The following CCDC178 variants were observed in gnomAD, a reference collection of about 807,000 sequenced individuals.
CCDC178 encodes the protein coiled-coil domain containing 178.
CCDC178 carries 126 observed loss-of-function variants against 117.4 expected under a neutral mutation model. The observed-to-expected ratio is 1.07, with a 90% CI of 0.93 to 1.24. The LOEUF (loss-of-function observed/expected upper bound fraction) is 1.24. Ranked by LOEUF, CCDC178 falls within the 50% of genes most tolerant of loss-of-function variation. The pLI is 0.00. For missense variants in CCDC178, 1,030 were observed against 986.9 expected (o/e 1.04, Z -0.59); for synonymous variants, 283 against 313.4 (o/e 0.90, Z 1.02).
At chr18:33,296,533 T>TACA (rs954771930) in intron 11 of CCDC178, among the ~76,000 whole-genome samples, 1 of 152,090 alleles carries the variant, frequency 6.6e-6, no homozygotes, top group Non-Finnish European at 1.5e-5. Context: ...GGAGGAAGGG[T>TACA]ACACAGGACT....
intron 21 of CCDC178, among the ~76,000 whole-genome samples, chr18:32,996,199 T>G (rs2055504123): frequency 6.6e-6 from 1 of 151,802 alleles, no homozygotes; most frequent in Admixed American, 6.6e-5. Context: ...GAGAACAGCA[T>G]TAAAAACAAC....
chr18:33,382,198 A>C (rs1251812954), intron 5 of CCDC178, among the ~76,000 whole-genome samples: 2 of 152,210 alleles, frequency 1.3e-5, no homozygotes, highest in East Asian at 3.8e-4. Context: ...TTTTTGATAA[A>C]GAGTTCTTCA....
At chr18:32,959,025 C>T (rs891538415) in intron 22 of CCDC178, among the ~76,000 whole-genome samples, 13 of 152,144 alleles carry the variant, frequency 8.5e-5, no homozygotes, top group African/African-American at 3.1e-4. Flanking sequence ...CAAGTTCTCC[C>T]ATCCTATCTG....
intron 21 of CCDC178, among the ~76,000 whole-genome samples, chr18:33,088,880 C>T (rs2057422121): frequency 6.6e-6 from 1 of 152,252 alleles, no homozygotes; most frequent in South Asian, 2.1e-4. Context: ...TCTAGGACAA[C>T]ATTTCTTCTA....
chr18:33,002,116 C>T (rs1014615038), intron 21 of CCDC178, among the ~76,000 whole-genome samples: 9 of 152,242 alleles, frequency 5.9e-5, no homozygotes, highest in East Asian at 3.9e-4. Context: ...CATTGGGCAG[C>T]TGTCTCAGAC....
At chr18:33,141,751 A>G (rs1428738037) in intron 20 of CCDC178, among the ~76,000 whole-genome samples, 1 of 152,156 alleles carries the variant, frequency 6.6e-6, no homozygotes, top group Non-Finnish European at 1.5e-5. Context: ...CTTTTCCTAG[A>G]TTAACTTTAG....
chr18:33,323,307 A>T (rs1039121813), intron 11 of CCDC178, 184 bp downstream of exon 11: 1 of 346,738 alleles, frequency 2.9e-6, no homozygotes, highest in Non-Finnish European at 5.0e-6. Flanking sequence ...ATGCACAAAT[A>T]ATTTTACATA....
chr18:33,227,556 G>GTA (rs145380258), intron 15 of CCDC178, among the ~76,000 whole-genome samples: 117 of 110,958 alleles, frequency 1.1e-3, no homozygotes, highest in Middle Eastern at 5.3e-3. Context: ...GTGTGTGTGT[G>GTA]TATATATATA....
chr18:33,335,924 T>A (rs545855313), intron 9 of CCDC178, among the ~76,000 whole-genome samples: 1 of 152,262 alleles, frequency 6.6e-6, no homozygotes, highest in South Asian at 2.1e-4. Flanking sequence ...CTTGGAACAT[T>A]ATCTGAGATA....
chr18:33,248,617 T>C (rs2059578745), intron 14 of CCDC178, among the ~76,000 whole-genome samples: 1 of 152,082 alleles, frequency 6.6e-6, no homozygotes, highest in Non-Finnish European at 1.5e-5. Context: ...TATGGCTGCA[T>C]AGTATTCCAT....
intron 2 of CCDC178, among the ~76,000 whole-genome samples, chr18:33,439,361 T>C (rs1216246545): frequency 6.6e-6 from 1 of 152,208 alleles, no homozygotes; most frequent in African/African-American, 2.4e-5. Flanking sequence ...GTCTGGGTTG[T>C]GGATAAAAGC....
intron 22 of CCDC178, among the ~76,000 whole-genome samples, chr18:32,942,821 T>G (rs2054269536): frequency 6.6e-6 from 1 of 152,200 alleles, no homozygotes; most frequent in African/African-American, 2.4e-5. Flanking sequence ...TTCCTATGCA[T>G]ACTGATCATA....
intron 21 of CCDC178, among the ~76,000 whole-genome samples, chr18:33,091,321 A>ATTTTTT (rs1415932731): frequency 2.3e-3 from 42 of 18,326 alleles, no homozygotes; most frequent in South Asian, 0.01. Context: ...CACTTATTTC[A>ATTTTTT]TTCTTTTTTT....
At chr18:32,964,728 T>C (rs751848722) in intron 22 of CCDC178, among the ~76,000 whole-genome samples, 2 of 151,916 alleles carry the variant, frequency 1.3e-5, no homozygotes, top group Admixed American at 6.6e-5. Flanking sequence ...ACCCATCTAC[T>C]CCAAAACTCA....
chr18:33,374,561 T>C (rs933142195), intron 5 of CCDC178, among the ~76,000 whole-genome samples: 2 of 152,320 alleles, frequency 1.3e-5, no homozygotes, highest in African/African-American at 4.8e-5. Flanking sequence ...TTAAACACTT[T>C]GGAAAACAAT....
chr18:33,402,309 A>C (rs2063719213), intron 3 of CCDC178, among the ~76,000 whole-genome samples: 2 of 152,266 alleles, frequency 1.3e-5, no homozygotes, highest in Admixed American at 1.3e-4. Flanking sequence ...CTGTGTGAAC[A>C]ACTATTCAAG....
chr18:33,153,931 A>G lies in CCDC178; in HGVS notation c.2238+57965T>C, dbSNP rs185054338. ...TTCATTGTTATTTTGTCTACTTTTT[A>G]GATTATCAGCAATGATTTTGTATCA... On this transcript the variant is annotated intron_variant, in intron 20 of 22. Transcript: ENST00000383096. Among the ~76,000 whole-genome samples the G allele has an allele frequency of 2.0e-5, 3 of 152,184 alleles. No individual in the cohort carries two copies. The East Asian group carries it at 5.8e-4, about 29-fold the overall frequency.
intron 20 of CCDC178, among the ~76,000 whole-genome samples, chr18:33,140,133 A>G (rs896294046): frequency 6.6e-6 from 1 of 152,122 alleles, no homozygotes; most frequent in Admixed American, 6.5e-5. Flanking sequence ...CTCTGCCTAG[A>G]TTTCAGAGGA....
chr18:33,362,404 G>A (rs913488619), intron 6 of CCDC178, among the ~76,000 whole-genome samples: 10 of 151,604 alleles, frequency 6.6e-5, no homozygotes, highest in African/African-American at 1.7e-4. Flanking sequence ...GGTGGGAGTC[G>A]GGAAGAGGAA....
Sources: gnomAD v4.1 joint callset for allele counts (sites outside exome capture counted in the v4.1 genomes callset) on GRCh38, gnomAD v4.1.1 for gene constraint, MANE v1.5 for transcripts, NCBI Gene and HGNC (gene_info 2026-07-23, HGNC 2026-07-21) for gene names.